The following SPICE1 variants were observed in gnomAD, a reference collection of about 807,000 sequenced individuals.
SPICE1 encodes the protein spindle and centriole-associated protein 1.
A neutral mutation model predicts 102.7 loss-of-function variants in SPICE1; 75 were observed. That is an observed-to-expected ratio of 0.73 (90% CI 0.61 to 0.88). The LOEUF (loss-of-function observed/expected upper bound fraction) is 0.88. Ranked by LOEUF, SPICE1 falls within the 40% of genes least tolerant of loss-of-function variation. The pLI, the probability that SPICE1 is intolerant of heterozygous loss-of-function variation, is 0.00. For synonymous variants in SPICE1, 308 were observed against 350.3 expected (o/e 0.88, Z 1.35); for missense variants, 979 against 1,020.1 (o/e 0.96, Z 0.55).
At chr3:113,510,351 A>G (rs1282164829) in intron 1 of SPICE1, among the ~76,000 whole-genome samples, 1 of 152,240 alleles carries the variant, frequency 6.6e-6, no homozygotes, top group Non-Finnish European at 1.5e-5. Flanking sequence ...TGGAGGCATC[A>G]TGCTACCCTA....
At chr3:113,466,825 C>T (rs763964739) in intron 10 of SPICE1, among the ~76,000 whole-genome samples, 1 of 152,112 alleles carries the variant, frequency 6.6e-6, no homozygotes, top group African/African-American at 2.4e-5. Flanking sequence ...GTGGGCAGAT[C>T]GCTTTGAACT....
At chr3:113,464,727 A>C (rs1193249832) in intron 11 of SPICE1, among the ~76,000 whole-genome samples, 1 of 152,236 alleles carries the variant, frequency 6.6e-6, no homozygotes, top group Admixed American at 6.5e-5. Flanking sequence ...TACACTCAAG[A>C]AGCATACAGT....
rs753158033 is a variant in SPICE1 at position 113,488,954 on chromosome 3, T to C, written c.602A>G (p.Asn201Ser). 6.2e-7 allele frequency: 1 copy of C among 1,603,802 alleles called. No individual in the cohort carries two copies. The highest frequency in any genetic ancestry group is 8.5e-7 in the Non-Finnish European group (1 of 1,170,702). ...TGCCATATACACATACCTGTCTGTATTCGTGTTAGACTGAGAGTTTAGAGA... is the reference window on the plus strand; with the variant it reads ...TGCCATATACACATACCTGTCTGTACTCGTGTTAGACTGAGAGTTTAGAGA... The part of the protein sequence containing the change: ...DNSLNSQSNT[N>S]TDRFLQQLTE... Residue 201 changes from asparagine to serine, a missense_variant, in exon 7 of 18, where the codon AAT becomes AGT. Asn to Ser is a conservative substitution (Grantham distance 46). Coordinates refer to ENST00000295872, the MANE Select transcript of SPICE1 (RefSeq NM_144718.4).
chr3:113,501,726 C>T (rs1038354563), intron 3 of SPICE1, among the ~76,000 whole-genome samples: 2 of 152,136 alleles, frequency 1.3e-5, no homozygotes, highest in Non-Finnish European at 2.9e-5. Flanking sequence ...CAGCACTTTA[C>T]ACCTACTAAG....
chr3:113,497,043 T>C (rs1367113492), intron 4 of SPICE1, among the ~76,000 whole-genome samples: 1 of 152,242 alleles, frequency 6.6e-6, no homozygotes, highest in Non-Finnish European at 1.5e-5. Flanking sequence ...TTTAGCCAAT[T>C]ACATAGCTAG....
intron 7 of SPICE1, among the ~76,000 whole-genome samples, chr3:113,476,134 A>G (rs1936339890): frequency 6.6e-6 from 1 of 151,868 alleles, no homozygotes; most frequent in South Asian, 2.1e-4. Flanking sequence ...ATTCTTATAC[A>G]CCAATAACAG....
At chr3:113,488,230 T>A (rs72946740) in intron 7 of SPICE1, among the ~76,000 whole-genome samples, 1,855 of 152,306 alleles carry the variant, frequency 0.012, 30 homozygotes, top group African/African-American at 0.042. Context: ...ATGCTCTTTT[T>A]CTTGGGAACC....
At chr3:113,491,542 G>A (rs890796605) in intron 6 of SPICE1, among the ~76,000 whole-genome samples, 6 of 148,562 alleles carry the variant, frequency 4.0e-5, no homozygotes, top group African/African-American at 7.5e-5. Flanking sequence ...GCAGAATGGC[G>A]TGAATCCGGG....
intron 7 of SPICE1, among the ~76,000 whole-genome samples, chr3:113,480,884 A>G (rs79317390): frequency 1.0e-4 from 6 of 60,164 alleles, no homozygotes; most frequent in Non-Finnish European, 1.8e-4. Flanking sequence ...CTCAAAAAAG[A>G]CTAAAAATAA....
intron 10 of SPICE1, among the ~76,000 whole-genome samples, chr3:113,466,651 C>T (rs540994829): frequency 4.0e-5 from 6 of 151,894 alleles, no homozygotes; most frequent in South Asian, 4.2e-4. Context: ...CTGCAATACT[C>T]TCCAAGAGCC....
intron 7 of SPICE1, among the ~76,000 whole-genome samples, chr3:113,472,568 G>A (rs373640493): frequency 2.0e-5 from 3 of 152,124 alleles, no homozygotes; most frequent in Non-Finnish European, 2.9e-5. Flanking sequence ...CACACGGCCG[G>A]GTATTCCTCT....
At position 113,499,466 on chromosome 3, in the gene SPICE1, C is replaced by A; in HGVS notation, c.264G>T (p.Glu88Asp). The change falls in exon 4 of 18, where the codon GAG (glutamate) becomes GAT (aspartate). Residue 88 changes from glutamate (E) to aspartate (D), a missense_variant. Transcript: ENST00000295872. ...RKQKPETLNLEKRRLSIMKEI... is the reference protein window; with the variant it reads ...RKQKPETLNLDKRRLSIMKEI... ...CCTTCATGATAGACAATCTTCTTTT[C>A]TCAAGATTTAAAGTTTCTGGTTTCT... The A allele has an allele frequency of 6.2e-6, 10 of 1,613,080 alleles. No homozygotes were observed. The highest frequency in any genetic ancestry group is 7.6e-6 in the Non-Finnish European group (9 of 1,179,728).
intron 4 of SPICE1, among the ~76,000 whole-genome samples, chr3:113,497,036 A>G (rs1218465617): frequency 6.6e-6 from 1 of 152,212 alleles, no homozygotes; most frequent in East Asian, 1.9e-4. Flanking sequence ...CCTGCATTTT[A>G]GCCAATTACA....
intron 12 of SPICE1, chr3:113,459,337 CT>C (rs1935869274): frequency 2.4e-6 from 1 of 412,772 alleles, no homozygotes; most frequent in African/African-American, 2.2e-5. Context: ...ACATGTTTAT[CT>C]GCTGACCTTC....
At chr3:113,469,262 T>C (rs752322437) in intron 7 of SPICE1, 24 bp from the exon 8 acceptor site, 6 of 1,287,766 alleles carry the variant, frequency 4.7e-6, no homozygotes, top group Non-Finnish European at 6.1e-6. Context: ...GACAATAAGC[T>C]ACATGAGAAT....
At chr3:113,511,003 T>C (rs1200970768) in intron 1 of SPICE1, among the ~76,000 whole-genome samples, 2 of 152,066 alleles carry the variant, frequency 1.3e-5, no homozygotes, top group African/African-American at 4.8e-5. Flanking sequence ...AACAAACGTA[T>C]GAAAAAAAGT....
chr3:113,446,331 C>G (rs114379050), intron 17 of SPICE1, among the ~76,000 whole-genome samples: 38 of 152,296 alleles, frequency 2.5e-4, no homozygotes, highest in Non-Finnish European at 5.3e-4. Context: ...GGAAGCTCTA[C>G]CTGAAACCAG....
chr3:113,490,824 T>C (rs1936748792), intron 6 of SPICE1, among the ~76,000 whole-genome samples: 1 of 152,208 alleles, frequency 6.6e-6, no homozygotes, highest in South Asian at 2.1e-4. Context: ...ACTTGTCCTG[T>C]CCTATCGGCC....
chr3:113,469,457 T>G (rs925176497), intron 7 of SPICE1, among the ~76,000 whole-genome samples: 2 of 146,610 alleles, frequency 1.4e-5, no homozygotes, highest in Non-Finnish European at 3.0e-5. Context: ...TATATAATTA[T>G]ATAATAATTA....
Sources: gnomAD v4.1 joint callset for allele counts (sites outside exome capture counted in the v4.1 genomes callset) on GRCh38, gnomAD v4.1.1 for gene constraint, MANE v1.5 for transcripts, NCBI Gene and HGNC (gene_info 2026-07-23, HGNC 2026-07-21) for gene names.